SLC15A5: variants seen among roughly 807,000 people sequenced by gnomAD.
SLC15A5 encodes Peptide/histidine transporter ENSP00000340402.
In SLC15A5, 58 loss-of-function variants were observed where a neutral mutation model predicts 56.1. The ratio of observed to expected loss-of-function variants is 1.03; its 90% CI spans 0.84 to 1.29. The LOEUF is 1.29. Among genes scored for constraint, SLC15A5 ranks in the 50% most tolerant of loss-of-function variants. SLC15A5 has a pLI of 0.00. For missense variants in SLC15A5, 681 were observed against 672.1 expected (o/e 1.01, Z -0.15); for synonymous variants, 264 against 250.5 (o/e 1.05, Z -0.51).
At chr12:16,212,160 ATTGT>A (rs1274320982) in intron 7 of SLC15A5, among the ~76,000 whole-genome samples, 1 of 152,106 alleles carries the variant, frequency 6.6e-6, no homozygotes, top group Non-Finnish European at 1.5e-5. Flanking sequence ...AATTTGTCTG[ATTGT>A]TTGAGTGGCC....
chr12:16,239,651 A>C (rs542096289), intron 5 of SLC15A5, 30 bp downstream of exon 5: 1 of 1,525,944 alleles, frequency 6.6e-7, no homozygotes, highest in South Asian at 1.2e-5. Flanking sequence ...GTTTCAAACG[A>C]TTCGCATGAA....
At chr12:16,195,451 C>T (rs1020137932) in intron 7 of SLC15A5, among the ~76,000 whole-genome samples, 1 of 152,028 alleles carries the variant, frequency 6.6e-6, no homozygotes, top group African/African-American at 2.4e-5. Flanking sequence ...AAAAATCTAA[C>T]TTAACAGAGA....
At chr12:16,199,304 CAAAAAAAA>C (rs10687463) in intron 7 of SLC15A5, among the ~76,000 whole-genome samples, 2 of 91,362 alleles carry the variant, frequency 2.2e-5, no homozygotes, top group African/African-American at 8.5e-5. Context: ...TAGACTGTCT[CAAAAAAAA>C]AAAAAAAAAA....
chr12:16,255,989 G>A (rs1469144718), intron 3 of SLC15A5, among the ~76,000 whole-genome samples: 1 of 152,016 alleles, frequency 6.6e-6, no homozygotes, highest in Admixed American at 6.6e-5. Flanking sequence ...CAACATGAAG[G>A]GGACTTCACT....
intron 2 of SLC15A5, among the ~76,000 whole-genome samples, chr12:16,266,430 T>A (rs1432331957): frequency 2.6e-5 from 4 of 152,202 alleles, no homozygotes; most frequent in Non-Finnish European, 5.9e-5. Flanking sequence ...ACTTAAATCT[T>A]GTGAAATGTA....
intron 6 of SLC15A5, among the ~76,000 whole-genome samples, chr12:16,218,989 T>C (rs1864159656): frequency 6.6e-6 from 1 of 152,196 alleles, no homozygotes; most frequent in South Asian, 2.1e-4. Flanking sequence ...TTACTTTCGG[T>C]GTGTCCTGCA....
In SLC15A5 at chr12:16,271,321, T is replaced by G. The variant is rs552280359; in HGVS notation, c.584+1240A>C. On this transcript the variant is annotated intron_variant, in intron 2 of 8. Transcript: ENST00000344941. The surrounding 1 kb of genome is among the most constrained non-coding windows in gnomAD (Gnocchi z 8.0). ...TATCTTTCAGAACAACTGATTGCTC[T>G]CCAGTCTTAATCCTCCAGAGTCTTA... is the stretch of plus-strand genomic sequence containing the variant. Among the ~76,000 whole-genome samples the G allele has an allele frequency of 8.5e-5, 13 of 152,316 alleles. No homozygotes were observed. The South Asian group carries it at 2.3e-3, about 27-fold the overall frequency.
intron 5 of SLC15A5, among the ~76,000 whole-genome samples, chr12:16,231,114 G>T (rs1458707663): frequency 1.3e-5 from 2 of 152,136 alleles, no homozygotes; most frequent in East Asian, 3.9e-4. Context: ...ATTAGATAGT[G>T]CATAATGGTG....
chr12:16,253,821 C>G (rs1252931333), intron 3 of SLC15A5, among the ~76,000 whole-genome samples: 2 of 152,036 alleles, frequency 1.3e-5, no homozygotes, highest in Non-Finnish European at 2.9e-5. Flanking sequence ...AACCCTTGTG[C>G]ACTGTTGGTG....
rs1863893466 is a variant in SLC15A5, at chr12:16,196,251, T to G, written c.1484-1798A>C. On this transcript the variant is annotated intron_variant, in intron 7 of 8. Coordinates refer to ENST00000344941, the MANE Select transcript of SLC15A5 (RefSeq NM_001170798.1). This position sits in a 1 kb window ranked among gnomAD's most constrained non-coding sequence, Gnocchi z 4.0. ...GTTCTATTATAATGAAAATTTATGG[T>G]TTTATTGCTACAGTTACATGATGCC... is the stretch of plus-strand genomic sequence containing the variant. Among the ~76,000 whole-genome samples, 1 of 152,056 alleles carries G rather than the reference T, an allele frequency of 6.6e-6. No homozygotes were observed. Among genetic ancestry groups the G allele is most frequent in the African/African-American group, 2.4e-5 (1 of 41,418 alleles).
chr12:16,205,183 C>T (rs1177497893), intron 7 of SLC15A5, among the ~76,000 whole-genome samples: 1 of 151,904 alleles, frequency 6.6e-6, no homozygotes, highest in Non-Finnish European at 1.5e-5. Context: ...TTCAATTTTA[C>T]ACTCTAAAAA....
chr12:16,194,307 G>A (rs1285540534), intron 8 of SLC15A5, 38 bp downstream of exon 8: 4 of 1,349,106 alleles, frequency 3.0e-6, no homozygotes, highest in Non-Finnish European at 4.1e-6. Flanking sequence ...ATATTTCATG[G>A]ACTCAGAAAT....
Position 16,202,877 on chromosome 12 carries a change from A to G in SLC15A5, c.1484-8424T>C, listed in dbSNP as rs745643218. On this transcript the variant is annotated intron_variant, in intron 7 of 8. Coordinates refer to ENST00000344941, the MANE Select transcript of SLC15A5 (RefSeq NM_001170798.1). ...AGCAAGACACAGAAAGACGAATACC[A>G]TATCATCTCACTTATATGTGGAATG... 9.9e-5 allele frequency among the ~76,000 whole-genome samples: 15 copies of G among 152,246 alleles called. No individual in the cohort carries two copies. In the South Asian group the frequency reaches 1.0e-3, roughly 11 times the overall value.
intron 6 of SLC15A5, among the ~76,000 whole-genome samples, chr12:16,218,766 A>G (rs1428444966): frequency 3.3e-5 from 5 of 152,146 alleles, no homozygotes; most frequent in Admixed American, 2.6e-4. Context: ...TAAACACTAA[A>G]CATTTAGTTT....
rs1008474700 is a variant in SLC15A5 at position 16,271,741 on chromosome 12, T to C, written c.584+820A>G. On this transcript the variant is annotated intron_variant, in intron 2 of 8. Coordinates refer to ENST00000344941, the MANE Select transcript of SLC15A5 (RefSeq NM_001170798.1). This position sits in a 1 kb window ranked among gnomAD's most constrained non-coding sequence, Gnocchi z 8.0. Reference sequence around the variant, plus strand: ...AACAAAGAATAACAAAGAAGTTTTATACTAAATTCTTAACTACCCTCCCTT... The same window carrying C: ...AACAAAGAATAACAAAGAAGTTTTACACTAAATTCTTAACTACCCTCCCTT... 6.6e-6 allele frequency among the ~76,000 whole-genome samples: 1 copy of C among 152,192 alleles called. No individual in the cohort carries two copies. The highest frequency in any genetic ancestry group is 1.5e-5 in the Non-Finnish European group (1 of 68,030).
At chr12:16,227,506 G>A (rs1344052287) in intron 5 of SLC15A5, among the ~76,000 whole-genome samples, 4 of 152,108 alleles carry the variant, frequency 2.6e-5, no homozygotes, top group African/African-American at 9.7e-5. Flanking sequence ...AGAGGTGAGA[G>A]ACATCATTTT....
At chr12:16,260,550 G>C (rs919687071) in intron 2 of SLC15A5, among the ~76,000 whole-genome samples, 4 of 151,330 alleles carry the variant, frequency 2.6e-5, no homozygotes, top group African/African-American at 9.7e-5. Context: ...ATATATTTTG[G>C]ATGCATGTCA....
chr12:16,233,647 C>G (rs938636906), intron 5 of SLC15A5, among the ~76,000 whole-genome samples: 2 of 152,160 alleles, frequency 1.3e-5, no homozygotes, highest in Non-Finnish European at 2.9e-5. Context: ...TGGCATTTTA[C>G]CTGGGCCACT....
intron 3 of SLC15A5, among the ~76,000 whole-genome samples, chr12:16,253,866 G>A (rs1019157492): frequency 6.6e-6 from 1 of 152,064 alleles, no homozygotes; most frequent in Non-Finnish European, 1.5e-5. Context: ...GTGGAAAGCA[G>A]TAAAAAGAGT....
Sources: gnomAD v4.1 joint callset for allele counts (sites outside exome capture counted in the v4.1 genomes callset) on GRCh38, gnomAD v4.1.1 for gene constraint, Gnocchi (gnomAD v3.1) non-coding constraint, MANE v1.5 for transcripts, NCBI Gene and HGNC (gene_info 2026-07-23, HGNC 2026-07-21) for gene names.